MFN2: variants seen among roughly 807,000 people sequenced by gnomAD.
MFN2 encodes mitofusin-2.
A neutral mutation model predicts 87.5 loss-of-function variants in MFN2; 43 were observed. The observed-to-expected ratio is 0.49, with a 90% CI of 0.38 to 0.63. The LOEUF (loss-of-function observed/expected upper bound fraction) is 0.63, where lower values mean the gene tolerates loss of function less well. Ranked by LOEUF, MFN2 falls within the 30% of genes least tolerant of loss-of-function variation. MFN2 has a pLI of 0.00. For synonymous variants in MFN2, 337 were observed against 359.9 expected (o/e 0.94, Z 0.72); for missense variants, 743 against 972.8 (o/e 0.76, Z 3.14).
intron 17 of MFN2, among the ~76,000 whole-genome samples, chr1:12,008,570 G>A (rs1339608168): frequency 3.3e-5 from 5 of 152,052 alleles, no homozygotes; most frequent in African/African-American, 1.2e-4. Flanking sequence ...TCTCAGACGG[G>A]GCGGCTGCCG....
chr1:12,009,082 C>T (rs554722508), intron 17 of MFN2, among the ~76,000 whole-genome samples: 53 of 152,294 alleles, frequency 3.5e-4, no homozygotes, highest in African/African-American at 1.2e-3. Context: ...CGCCTGCAGT[C>T]GCAGGCACTG....
intron 2 of MFN2, 68 bp from the exon 3 acceptor site, chr1:11,989,097 G>A (rs1255769124): frequency 8.4e-6 from 13 of 1,541,080 alleles, no homozygotes; most frequent in South Asian, 2.2e-5. Context: ...AAAGCATTCC[G>A]CCATCTCCCT....
Position 12,004,372 on chromosome 1 carries a change from C to T in MFN2, c.1288-137C>T. On this transcript the variant is annotated intron_variant, in intron 12 of 18. Coordinates refer to ENST00000235329, the MANE Select transcript of MFN2 (RefSeq NM_014874.4). This position sits in a 1 kb window ranked among gnomAD's most constrained non-coding sequence, Gnocchi z 4.2. The stretch of plus-strand genomic sequence containing the variant: ...TTCCCAGACCCTCTCACTTCAGAGG[C>T]TTTAATTCCATAGAGGAGCTGAGGA... 1 of 949,064 alleles carries T rather than the reference C, an allele frequency of 1.1e-6. No individual in the cohort carries two copies. The allele number at this position is 949,064 out of a possible 1,614,324, so 58.8% of individuals were successfully genotyped here. A position where few individuals can be genotyped will look rare whatever the true frequency, so the allele number is the denominator to read the frequency against.
At chr1:11,987,907 C>T (rs990615931) in intron 2 of MFN2, among the ~76,000 whole-genome samples, 5 of 151,516 alleles carry the variant, frequency 3.3e-5, no homozygotes, top group East Asian at 1.9e-4. Context: ...GCTGTGATTG[C>T]GCCACTGCAC....
At chr1:11,991,081 C>T (rs1171500035) in intron 3 of MFN2, among the ~76,000 whole-genome samples, 5 of 152,212 alleles carry the variant, frequency 3.3e-5, no homozygotes, top group African/African-American at 7.2e-5. Context: ...CTGTCTGGTG[C>T]GAGTTCTAGA....
intron 1 of MFN2, among the ~76,000 whole-genome samples, chr1:11,981,183 G>T (rs568841160): frequency 1.1e-4 from 17 of 152,166 alleles, no homozygotes; most frequent in Non-Finnish European, 2.5e-4. Context: ...TTTGGGGCTT[G>T]GGGGAGGAAG....
rs1026942363 is a variant in MFN2, at chr1:11,981,515, A to G, written c.-149-455A>G. Among the ~76,000 whole-genome samples the G allele has an allele frequency of 4.6e-5, 7 of 152,252 alleles. No individual in the cohort carries two copies. In the East Asian group the frequency reaches 7.7e-4, roughly 17 times the overall value. On this transcript the variant is annotated intron_variant, in intron 1 of 18. Coordinates refer to ENST00000235329, the MANE Select transcript of MFN2 (RefSeq NM_014874.4). ...GCTAATATTTCAGATCCCAGCTTAGACAAATCTTCAAGTATTCCAGCCCTC... is the reference window on the plus strand; with the variant it reads ...GCTAATATTTCAGATCCCAGCTTAGGCAAATCTTCAAGTATTCCAGCCCTC...
chr1:11,984,418 A>G (rs1638303072), intron 2 of MFN2, among the ~76,000 whole-genome samples: 1 of 152,200 alleles, frequency 6.6e-6, no homozygotes, highest in Non-Finnish European at 1.5e-5. Flanking sequence ...GTTTTATAAC[A>G]TGTAAAGCTG....
intron 4 of MFN2, among the ~76,000 whole-genome samples, chr1:11,993,893 T>C (rs1311058611): frequency 2.0e-5 from 3 of 152,164 alleles, no homozygotes; most frequent in African/African-American, 7.2e-5. Flanking sequence ...ATAAAATGAG[T>C]GTAGCAAAAA....
At chr1:11,995,209 T>C (rs1638857743) in intron 4 of MFN2, among the ~76,000 whole-genome samples, 1 of 151,714 alleles carries the variant, frequency 6.6e-6, no homozygotes, top group Non-Finnish European at 1.5e-5. Context: ...TGCAGTGAGC[T>C]ATATTCATGC....
intron 18 of MFN2, among the ~76,000 whole-genome samples, chr1:12,011,150 C>T (rs1269645378): frequency 6.6e-6 from 1 of 152,192 alleles, no homozygotes; most frequent in Admixed American, 6.5e-5. Flanking sequence ...ACAGCTGAAC[C>T]TGGAAAGGGT....
chr1:11,996,374 G>A lies in MFN2; in HGVS notation c.474+56G>A, dbSNP rs780474673. 95 of 1,606,882 alleles carry A rather than the reference G, an allele frequency of 5.9e-5. No homozygotes were observed. The Middle Eastern group carries it at 7.0e-4, about 12-fold the overall frequency. ...TGCCTGCTGGGGGAGCAAGTCCTCC[G>A]TTGTGACACGGCTGACCTCACCTCT... On this transcript the variant is annotated intron_variant, in intron 5 of 18. Transcript: ENST00000235329.
rs1391298121 is a variant in MFN2, at chr1:11,982,026, A to G, written c.-93A>G. The stretch of plus-strand genomic sequence containing the variant: ...ATAGCCAACCTCAACCTGAGACAGG[A>G]CAGAAGAGAACTCAGAATCTTTTTG... On this transcript the variant is annotated 5_prime_UTR_variant, in exon 2 of 19. Transcript: ENST00000235329. 1 of 151,306 alleles carries G rather than the reference A, an allele frequency of 6.6e-6. No homozygotes were observed. The highest frequency in any genetic ancestry group is 1.5e-5 in the Non-Finnish European group (1 of 67,984). The allele number at this position is 151,306 out of a possible 1,614,324, so 9.4% of individuals were successfully genotyped here.
At chr1:11,989,662 T>C (rs557868763) in intron 3 of MFN2, among the ~76,000 whole-genome samples, 2 of 152,328 alleles carry the variant, frequency 1.3e-5, no homozygotes, top group African/African-American at 4.8e-5. Flanking sequence ...TTGTAAGTAA[T>C]AGATCAGGGT....
At chr1:11,980,819 A>C (rs1645969389) in intron 1 of MFN2, among the ~76,000 whole-genome samples, 1 of 152,140 alleles carries the variant, frequency 6.6e-6, no homozygotes, top group Admixed American at 6.5e-5. Flanking sequence ...ATAGGTGTCC[A>C]CGTTCACCGC....
At chr1:11,985,856 T>C (rs1557513040) in intron 2 of MFN2, among the ~76,000 whole-genome samples, 2 of 152,202 alleles carry the variant, frequency 1.3e-5, no homozygotes, top group Admixed American at 6.5e-5. Context: ...TGCCAGGCCA[T>C]GGCAAGCCTC....
rs1157697056 is a variant in MFN2 at position 12,013,128 on chromosome 1, G to A, written c.*1563G>A. On this transcript the variant is annotated 3_prime_UTR_variant, in exon 19 of 19. Coordinates refer to ENST00000235329, the MANE Select transcript of MFN2 (RefSeq NM_014874.4). ...CGTGTGCCGGGCCTGAATGGACAGG[G>A]GCCACTTCACAGCATGTCAGGGAAA... 1.7e-5 allele frequency: 6 copies of A among 348,886 alleles called. No individual in the cohort carries two copies. The highest frequency in any genetic ancestry group is 1.0e-3 in the Middle Eastern group (1 of 972). 21.6% of individuals were successfully genotyped at this position (348,886 alleles called of 1,614,324 possible).
At chr1:11,985,891 C>T (rs140089149) in intron 2 of MFN2, among the ~76,000 whole-genome samples, 1 of 152,342 alleles carries the variant, frequency 6.6e-6, no homozygotes, top group Admixed American at 6.5e-5. Flanking sequence ...TCCTTTGCTG[C>T]TTTGGAAGAG....
At chr1:11,999,144 C>T in intron 8 of MFN2, 49 bp downstream of exon 8, 1 of 1,473,598 alleles carries the variant, frequency 6.8e-7, no homozygotes, top group Non-Finnish European at 9.5e-7. Context: ...CGAGGGAGCA[C>T]TGCCTGCCAC....
Sources: allele counts gnomAD v4.1 joint callset (sites outside exome capture counted in the v4.1 genomes callset), GRCh38; gene constraint gnomAD v4.1.1; non-coding constraint Gnocchi (gnomAD v3.1); transcripts MANE v1.5; gene names NCBI Gene and HGNC (gene_info 2026-07-23, HGNC 2026-07-21).